Variants in MAPK4 observed in about 807,000 individuals in gnomAD.
MAPK4 encodes mitogen-activated protein kinase 4, also known as Erk3-related.
MAPK4 carries 22 observed loss-of-function variants against 47.7 expected under a neutral mutation model. That is an observed-to-expected ratio of 0.46 (90% CI 0.33 to 0.66). The LOEUF is 0.66. Among genes scored for constraint, MAPK4 ranks in the 30% least tolerant of loss-of-function variants. The pLI, the probability that MAPK4 is intolerant of heterozygous loss-of-function variation, is 0.02. For missense variants in MAPK4, 736 were observed against 831.7 expected, an observed-to-expected ratio of 0.88 and a Z score of 1.42; for synonymous variants, 390 against 365.7, an observed-to-expected ratio of 1.07 and a Z score of -0.76.
chr18:50,715,458 T>A (rs1188383934), intron 3 of MAPK4, among the ~76,000 whole-genome samples: 1 of 152,212 alleles, frequency 6.6e-6, no homozygotes, highest in Non-Finnish European at 1.5e-5. Context: ...AGTAACTACT[T>A]TGCTATGACC....
At chr18:50,666,112 G>C (rs1907587899) in intron 2 of MAPK4, among the ~76,000 whole-genome samples, 1 of 152,214 alleles carries the variant, frequency 6.6e-6, no homozygotes, top group Non-Finnish European at 1.5e-5. Context: ...TATGATGAAA[G>C]AACCTGATTA....
intron 1 of MAPK4, among the ~76,000 whole-genome samples, chr18:50,566,036 G>A (rs1393090239): frequency 2.0e-5 from 3 of 152,206 alleles, no homozygotes; most frequent in Non-Finnish European, 4.4e-5. Flanking sequence ...CTTAGCTTCA[G>A]TGAGGAAGAC....
At chr18:50,687,039 A>G (rs1036379086) in intron 2 of MAPK4, among the ~76,000 whole-genome samples, 1 of 152,248 alleles carries the variant, frequency 6.6e-6, no homozygotes, top group African/African-American at 2.4e-5. Context: ...AGATGAAAAT[A>G]ACTTAGAATT....
intron 1 of MAPK4, among the ~76,000 whole-genome samples, chr18:50,562,769 C>G (rs137945930): frequency 6.6e-6 from 1 of 152,116 alleles, no homozygotes; most frequent in African/African-American, 2.4e-5. Flanking sequence ...TAGTCTAAGA[C>G]GTAGTCTTTG....
At chr18:50,585,445 C>G (rs1479324733) in intron 1 of MAPK4, among the ~76,000 whole-genome samples, 2 of 152,214 alleles carry the variant, frequency 1.3e-5, no homozygotes, top group Admixed American at 1.3e-4. Context: ...TCCCTGTCCT[C>G]TCTTTTAGCT....
chr18:50,665,169 G>T (rs146677030), intron 2 of MAPK4, among the ~76,000 whole-genome samples: 5 of 152,330 alleles, frequency 3.3e-5, no homozygotes, highest in Non-Finnish European at 7.3e-5. Context: ...TCCACCAACT[G>T]CAGGGATCAG....
At chr18:50,700,933 G>T (rs1909753107) in intron 2 of MAPK4, among the ~76,000 whole-genome samples, 1 of 152,050 alleles carries the variant, frequency 6.6e-6, no homozygotes, top group Admixed American at 6.6e-5. Flanking sequence ...ATTCTCACCA[G>T]CTTGTTTAGG....
intron 2 of MAPK4, among the ~76,000 whole-genome samples, chr18:50,690,136 A>G (rs944073853): frequency 2.0e-5 from 3 of 152,198 alleles, no homozygotes; most frequent in Non-Finnish European, 2.9e-5. Context: ...CTCTCCTGCC[A>G]GGTGGCAGGA....
At chr18:50,608,994 C>A (rs1437257997) in intron 1 of MAPK4, among the ~76,000 whole-genome samples, 2 of 152,132 alleles carry the variant, frequency 1.3e-5, no homozygotes, top group South Asian at 4.2e-4. Flanking sequence ...ATCCATTTAA[C>A]CCTGAGTGGA....
chr18:50,562,131 A>G (rs1256576320), intron 1 of MAPK4, among the ~76,000 whole-genome samples: 1 of 152,234 alleles, frequency 6.6e-6, no homozygotes, highest in Non-Finnish European at 1.5e-5. Context: ...GATTAATTGT[A>G]ATTTTTCTTC....
At chr18:50,647,256 C>T (rs778830872) in intron 1 of MAPK4, among the ~76,000 whole-genome samples, 2 of 152,194 alleles carry the variant, frequency 1.3e-5, no homozygotes, top group African/African-American at 2.4e-5. Flanking sequence ...CTGAGGCTTC[C>T]AGAAGAATCA....
At chr18:50,658,663 T>C (rs1017292059) in intron 1 of MAPK4, among the ~76,000 whole-genome samples, 3 of 152,212 alleles carry the variant, frequency 2.0e-5, no homozygotes, top group African/African-American at 2.4e-5. Flanking sequence ...TACCACAGAA[T>C]TGCAGAACTA....
At chr18:50,723,703 A>G (rs1911050532) in intron 4 of MAPK4, among the ~76,000 whole-genome samples, 1 of 152,036 alleles carries the variant, frequency 6.6e-6, no homozygotes, top group Non-Finnish European at 1.5e-5. Flanking sequence ...TCTCCACTAA[A>G]AATATAACAA....
At chr18:50,646,488 C>T (rs576086660) in intron 1 of MAPK4, among the ~76,000 whole-genome samples, 18 of 152,282 alleles carry the variant, frequency 1.2e-4, no homozygotes, top group East Asian at 1.9e-4. Context: ...ACTGGGAGCA[C>T]GGAATGGAGC....
chr18:50,681,273 TAA>T (rs1351731149), intron 2 of MAPK4, among the ~76,000 whole-genome samples: 1 of 152,228 alleles, frequency 6.6e-6, no homozygotes, highest in Non-Finnish European at 1.5e-5. Context: ...TATTGAATTA[TAA>T]AAGTTTTTTA....
At chr18:50,671,094 G>A (rs1305489124) in intron 2 of MAPK4, among the ~76,000 whole-genome samples, 1 of 152,200 alleles carries the variant, frequency 6.6e-6, no homozygotes, top group Non-Finnish European at 1.5e-5. Flanking sequence ...AGAGAACACA[G>A]GTGTGTCTGA....
intron 1 of MAPK4, among the ~76,000 whole-genome samples, chr18:50,592,579 T>G (rs1278937877): frequency 6.6e-6 from 1 of 152,236 alleles, no homozygotes; most frequent in African/African-American, 2.4e-5. Context: ...ATCAACCTTG[T>G]GTGACTGAAG....
Position 50,659,352 on chromosome 18 carries a change from G to A in MAPK4, c.-870-3737G>A, listed in dbSNP as rs28552453. Among the ~76,000 whole-genome samples the A allele has an allele frequency of 5.0e-3, 758 of 152,356 alleles. 9 individuals carry two copies. Among genetic ancestry groups the A allele is most frequent in the African/African-American group, 0.017 (724 of 41,580 alleles). The stretch of plus-strand genomic sequence containing the variant: ...CTTCCTGTAAGTTTCAGAGTGTTCA[G>A]GAGAGGGGAAGAAAGCAGTGTCTGT... On this transcript the variant is annotated intron_variant, in intron 1 of 5. Transcript: ENST00000400384.
chr18:50,647,682 C>A (rs1159235442), intron 1 of MAPK4, among the ~76,000 whole-genome samples: 2 of 152,164 alleles, frequency 1.3e-5, no homozygotes, highest in Admixed American at 1.3e-4. Context: ...TTTTTCCACA[C>A]CTCGTTCAGC....
Sources: gnomAD v4.1 joint callset for allele counts (sites outside exome capture counted in the v4.1 genomes callset) on GRCh38, gnomAD v4.1.1 for gene constraint, MANE v1.5 for transcripts, NCBI Gene and HGNC (gene_info 2026-07-23, HGNC 2026-07-21) for gene names.